The following SPATA17 variants were observed in gnomAD, a reference collection of about 807,000 sequenced individuals.
The protein encoded by SPATA17 is spermatogenesis associated 17, also known as spermatogenesis-associated protein 17.
SPATA17 carries 53 observed loss-of-function variants against 62.2 expected under a neutral mutation model. The observed-to-expected ratio is 0.85, with a 90% confidence interval of 0.68 to 1.07. The LOEUF (loss-of-function observed/expected upper bound fraction) is 1.07. Ranked by LOEUF, SPATA17 falls within the 50% of genes least tolerant of loss-of-function variation. SPATA17 has a pLI of 0.00. For synonymous variants in SPATA17, 146 were observed against 146.8 expected, an observed-to-expected ratio of 0.99 and a Z score of 0.04; for missense variants, 466 against 425.5, an observed-to-expected ratio of 1.10 and a Z score of -0.84.
chr1:217,804,608 T>C (rs1246555272), intron 9 of SPATA17, among the ~76,000 whole-genome samples: 1 of 151,784 alleles, frequency 6.6e-6, no homozygotes, highest in African/African-American at 2.4e-5. Context: ...AGACAAACTA[T>C]GGAATAGGAA....
chr1:217,641,157 A>AG (rs1670054165), intron 1 of SPATA17, among the ~76,000 whole-genome samples: 2 of 152,274 alleles, frequency 1.3e-5, no homozygotes, highest in South Asian at 4.1e-4. Context: ...CTGACCGTGA[A>AG]GGACTAGAAG....
intron 5 of SPATA17, among the ~76,000 whole-genome samples, chr1:217,736,735 C>T (rs947244616): frequency 1.2e-4 from 19 of 152,296 alleles, no homozygotes; most frequent in East Asian, 3.9e-4. Flanking sequence ...TGCCAAATAG[C>T]TTCTAAGCAT....
intron 1 of SPATA17, among the ~76,000 whole-genome samples, chr1:217,639,991 T>A (rs2102876325): frequency 6.6e-6 from 1 of 151,966 alleles, no homozygotes; most frequent in East Asian, 1.9e-4. Flanking sequence ...AATTTATTCA[T>A]CTGACTTTAG....
At chr1:217,685,678 A>T (rs1671200761) in intron 5 of SPATA17, among the ~76,000 whole-genome samples, 1 of 152,182 alleles carries the variant, frequency 6.6e-6, no homozygotes, top group Admixed American at 6.5e-5. Context: ...TTAGGAATAC[A>T]TCTAACCAGG....
At chr1:217,681,230 A>T (rs1671078181) in intron 4 of SPATA17, among the ~76,000 whole-genome samples, 1 of 136,730 alleles carries the variant, frequency 7.3e-6, no homozygotes, top group South Asian at 2.2e-4. Context: ...TGTCTCAAAA[A>T]TAAATAAATA....
intron 3 of SPATA17, among the ~76,000 whole-genome samples, chr1:217,657,803 G>A (rs866991791): frequency 3.9e-5 from 6 of 152,130 alleles, no homozygotes; most frequent in African/African-American, 1.2e-4. Flanking sequence ...GTATTAGTCT[G>A]TTTTCATGCT....
At position 217,723,681 on chromosome 1, in the gene SPATA17, C is replaced by T. The variant is rs1571759194; in HGVS notation, c.396-18294C>T. Among the ~76,000 whole-genome samples the T allele has an allele frequency of 2.0e-5, 3 of 152,316 alleles. 1 individual carries two copies. The East Asian group carries it at 5.8e-4, about 29-fold the overall frequency. ...GTCTGAGGAAGTCTATCTAATAAAT[C>T]TCATTCTTCCCTAACTGTGATCTAG... On this transcript the variant is annotated intron_variant, in intron 5 of 10. Transcript: ENST00000366933.
At chr1:217,861,175 T>A (rs952291823) in intron 9 of SPATA17, among the ~76,000 whole-genome samples, 1 of 151,996 alleles carries the variant, frequency 6.6e-6, no homozygotes, top group African/African-American at 2.4e-5. Context: ...TGAATGGCAT[T>A]GTTGTTATTA....
chr1:217,830,312 T>C (rs1184870216), intron 9 of SPATA17, among the ~76,000 whole-genome samples: 4 of 152,154 alleles, frequency 2.6e-5, no homozygotes, highest in African/African-American at 9.7e-5. Flanking sequence ...CAGTAGTATA[T>C]AGACCATAAA....
intron 6 of SPATA17, among the ~76,000 whole-genome samples, chr1:217,770,232 C>T (rs907418996): frequency 6.6e-6 from 1 of 152,094 alleles, no homozygotes. Context: ...GTTTCTCTCT[C>T]GTGGTATTCA....
chr1:217,793,353 C>G (rs1043333880), intron 8 of SPATA17, among the ~76,000 whole-genome samples: 2 of 151,316 alleles, frequency 1.3e-5, no homozygotes, highest in African/African-American at 2.4e-5. Context: ...CCTGAGTAGC[C>G]GGGACTAAAG....
chr1:217,699,950 C>T (rs1671553155), intron 5 of SPATA17, among the ~76,000 whole-genome samples: 1 of 152,092 alleles, frequency 6.6e-6, no homozygotes, highest in Non-Finnish European at 1.5e-5. Flanking sequence ...GCTTTTGCAC[C>T]TTGTCAAAAA....
chr1:217,651,162 A>G lies in SPATA17; in HGVS notation c.224A>G (p.Tyr75Cys). ...AGAAGTTTCTTAGGCAGAAAGCAAT[A>G]TCAACTAACTGTGCAGGTAAATATA... is the stretch of plus-strand genomic sequence containing the variant. ...WWRSFLGRKQ[Y>C]QLTVQVAYYT... Residue 75 changes from tyrosine (Y) to cysteine (C), a missense_variant, in exon 3 of 11, where the codon TAT (tyrosine) becomes TGT (cysteine). Transcript: ENST00000366933. 6.2e-7 allele frequency: 1 copy of G among 1,609,210 alleles called. No homozygotes were observed. Among genetic ancestry groups the G allele is most frequent in the Non-Finnish European group, 8.5e-7 (1 of 1,177,792 alleles).
chr1:217,829,446 G>A (rs891725808), intron 9 of SPATA17, among the ~76,000 whole-genome samples: 16 of 151,340 alleles, frequency 1.1e-4, no homozygotes, highest in Non-Finnish European at 1.6e-4. Context: ...TGGCCAAAAT[G>A]GTGAAACCCC....
intron 9 of SPATA17, among the ~76,000 whole-genome samples, chr1:217,808,551 ATCTT>A (rs1674501317): frequency 6.6e-6 from 1 of 152,154 alleles, no homozygotes; most frequent in Non-Finnish European, 1.5e-5. Context: ...GATTTAAGGC[ATCTT>A]TCTAAAAGCA....
chr1:217,829,178 A>G (rs1039252442), intron 9 of SPATA17, among the ~76,000 whole-genome samples: 3 of 152,186 alleles, frequency 2.0e-5, no homozygotes, highest in Admixed American at 1.3e-4. Flanking sequence ...TAGCCAAGAT[A>G]TGGAAACAAC....
intron 5 of SPATA17, among the ~76,000 whole-genome samples, chr1:217,699,226 G>A (rs552696477): frequency 3.3e-5 from 5 of 152,266 alleles, no homozygotes; most frequent in Admixed American, 3.3e-4. Flanking sequence ...ATACCCAAGG[G>A]TGCAAGTATT....
At chr1:217,797,877 C>T (rs1367515797) in intron 8 of SPATA17, among the ~76,000 whole-genome samples, 1 of 152,152 alleles carries the variant, frequency 6.6e-6, no homozygotes, top group Admixed American at 6.5e-5. Flanking sequence ...CATTACTAAG[C>T]TCTTACTCCT....
At chr1:217,781,807 G>T (rs950742571) in intron 7 of SPATA17, among the ~76,000 whole-genome samples, 3 of 151,914 alleles carry the variant, frequency 2.0e-5, no homozygotes, top group Admixed American at 6.6e-5. Flanking sequence ...CCTAATATTT[G>T]TATTTACTCA....
Sources: gnomAD v4.1 joint callset for allele counts (sites outside exome capture counted in the v4.1 genomes callset) on GRCh38, gnomAD v4.1.1 for gene constraint, MANE v1.5 for transcripts, NCBI Gene and HGNC (gene_info 2026-07-23, HGNC 2026-07-21) for gene names.